The following IL34 variants were observed in gnomAD, a reference collection of about 807,000 sequenced individuals.
The protein encoded by IL34 is interleukin 34.
A neutral mutation model predicts 25.3 loss-of-function variants in IL34; 17 were observed. The observed-to-expected ratio is 0.67, with a 90% CI of 0.46 to 1.01. The LOEUF (loss-of-function observed/expected upper bound fraction) is 1.01. Ranked by LOEUF, IL34 falls within the 50% of genes least tolerant of loss-of-function variation. IL34 has a pLI of 0.00. For missense variants in IL34, 368 were observed against 312.9 expected, an observed-to-expected ratio of 1.18 and a Z score of -1.33; for synonymous variants, 174 against 140.9, an observed-to-expected ratio of 1.23 and a Z score of -1.66.
At chr16:70,583,378 A>G (rs900990308) in intron 1 of IL34, among the ~76,000 whole-genome samples, 1 of 151,860 alleles carries the variant, frequency 6.6e-6, no homozygotes, top group African/African-American at 2.4e-5. Flanking sequence ...CTGGGATTAC[A>G]GGCATGAGCC....
intron 1 of IL34, among the ~76,000 whole-genome samples, chr16:70,622,087 G>A (rs1190718741): frequency 6.6e-6 from 1 of 151,990 alleles, no homozygotes; most frequent in African/African-American, 2.4e-5. Flanking sequence ...CTAAGAGCCT[G>A]AAAAACTGCT....
intron 1 of IL34, among the ~76,000 whole-genome samples, chr16:70,610,892 AT>A (rs2051080117): frequency 6.6e-6 from 1 of 152,134 alleles, no homozygotes; most frequent in Non-Finnish European, 1.5e-5. Context: ...AGATTCCAAG[AT>A]TCTTCTGGAA....
At chr16:70,580,179 G>A (rs990008796) in intron 1 of IL34, 4 of 152,276 alleles carry the variant, frequency 2.6e-5, no homozygotes, top group African/African-American at 9.6e-5. Context: ...ACTTGACAAA[G>A]ACAGTCCCAG....
At chr16:70,607,551 ACATCACTGTCT>A (rs2051026431) in intron 1 of IL34, among the ~76,000 whole-genome samples, 1 of 152,212 alleles carries the variant, frequency 6.6e-6, no homozygotes, top group Admixed American at 6.5e-5. Flanking sequence ...ATTAGAGTGG[ACATCACTGTCT>A]TGTCTTGATC....
upstream of IL34, among the ~76,000 whole-genome samples, chr16:70,641,711 T>G (rs1282030381): frequency 6.6e-6 from 1 of 151,766 alleles, no homozygotes; most frequent in Non-Finnish European, 1.5e-5. Context: ...GGAGTACAGG[T>G]GCATGCCTCC....
At chr16:70,599,458 G>T (rs2050882749) in intron 1 of IL34, among the ~76,000 whole-genome samples, 1 of 151,244 alleles carries the variant, frequency 6.6e-6, no homozygotes, top group African/African-American at 2.4e-5. Flanking sequence ...CCGGGTTCAA[G>T]CGATTCTCCT....
chr16:70,654,061 G>A (rs1238543206), intron 1 of IL34: 1 of 153,110 alleles, frequency 6.5e-6, no homozygotes. Flanking sequence ...GATAGAGCAG[G>A]AAGGAAAGTG....
Position 70,656,593 on chromosome 16 carries a change from C to T in IL34, c.163-9C>T. On this transcript the variant is annotated splice_polypyrimidine_tract_variant and intron_variant, in intron 2 of 5. Transcript: ENST00000288098. ...TCTGGCCTCATAGTTTGTTCTTGTGCCTCTCCAGAAACACTACTTCCCCAT... is the reference window on the plus strand; with the variant it reads ...TCTGGCCTCATAGTTTGTTCTTGTGTCTCTCCAGAAACACTACTTCCCCAT... The T allele has an allele frequency of 1.7e-6, 2 of 1,201,812 alleles. No individual in the cohort carries two copies. Among genetic ancestry groups the T allele is most frequent in the African/African-American group, 1.5e-5 (1 of 67,278 alleles). The allele number at this position is 1,201,812 out of a possible 1,614,324, so 74.4% of individuals were successfully genotyped here.
chr16:70,597,492 G>C (rs977760261), intron 1 of IL34, among the ~76,000 whole-genome samples: 1 of 152,064 alleles, frequency 6.6e-6, no homozygotes, highest in Admixed American at 6.6e-5. Context: ...AAGTGCTAGG[G>C]TTAAAAGTGC....
rs1158634237 is a variant in IL34 at position 70,627,350 on chromosome 16, A to G, written c.-400-19198A>G. Among the ~76,000 whole-genome samples, 5 of 152,012 alleles carry G rather than the reference A, an allele frequency of 3.3e-5. 1 individual carries two copies. The South Asian group carries it at 8.3e-4, about 25-fold the overall frequency. The stretch of plus-strand genomic sequence containing the variant: ...ACAAAGTGAACACACCCTTGCAACT[A>G]TTACCAGCGTGTAGAAGCCCCCCAC... On this transcript the variant is annotated intron_variant, in intron 1 of 6. Coordinates refer to the IL34 transcript ENST00000429149.
At chr16:70,642,832 A>G (rs1242025718), upstream of IL34, among the ~76,000 whole-genome samples, 1 of 152,234 alleles carries the variant, frequency 6.6e-6, no homozygotes. Context: ...CCCGTATTGC[A>G]TAATCAATCC....
At chr16:70,643,774 C>T (rs1047168604), upstream of IL34, among the ~76,000 whole-genome samples, 9 of 151,974 alleles carry the variant, frequency 5.9e-5, no homozygotes, top group Non-Finnish European at 1.2e-4. Flanking sequence ...TAAAAAATAA[C>T]CAGGGAAAAT....
intron 1 of IL34, among the ~76,000 whole-genome samples, chr16:70,629,569 C>G (rs2051471337): frequency 1.3e-5 from 2 of 152,066 alleles, no homozygotes; most frequent in South Asian, 4.1e-4. Context: ...CTCTAAATTA[C>G]TTATAATAAC....
Position 70,646,950 on chromosome 16 carries a change from GC to G in IL34, c.7del (p.Arg3GlyfsTer27). The G allele has an allele frequency of 1.4e-6, 2 of 1,469,742 alleles. No individual in the cohort carries two copies. Among genetic ancestry groups the G allele is most frequent in the Admixed American group, 3.1e-5 (1 of 32,432 alleles). The allele number at this position is 1,469,742 out of a possible 1,614,324, so 91.0% of individuals were successfully genotyped here. A position where few individuals can be genotyped will look rare whatever the true frequency, so the allele number is the denominator to read the frequency against. The stretch of plus-strand genomic sequence containing the variant: ...TCAGGGGGACGAGGAACACCACCAT[GC>G]CCCGGGGCTTCACCTGGCTGCGCTG... M[P>X]RGFTWLRYLG... On this transcript the variant is annotated frameshift_variant, in exon 1 of 6. Coordinates refer to ENST00000288098, the MANE Select transcript of IL34 (RefSeq NM_001393494.1). LOFTEE classifies it high-confidence loss of function.
rs547458474 is a variant in IL34 at position 70,618,830 on chromosome 16, G to C, written c.-400-27718G>C. Reference sequence around the variant, plus strand: ...TTGATTGAAGTAATGGGGGCTGTCTGTGAAGCTTTGCAGCAGTACAGCCTA... The same window carrying C: ...TTGATTGAAGTAATGGGGGCTGTCTCTGAAGCTTTGCAGCAGTACAGCCTA... On this transcript the variant is annotated intron_variant, in intron 1 of 6. Transcript: ENST00000429149. Among the ~76,000 whole-genome samples the C allele has an allele frequency of 8.7e-3, 1,316 of 151,648 alleles. 10 individuals are homozygous for C. Among genetic ancestry groups the C allele is most frequent in the Non-Finnish European group, 0.012 (816 of 68,008 alleles).
At chr16:70,617,858 G>C (rs2051198099) in intron 1 of IL34, among the ~76,000 whole-genome samples, 1 of 151,986 alleles carries the variant, frequency 6.6e-6, no homozygotes, top group Non-Finnish European at 1.5e-5. Flanking sequence ...AATTATGTCT[G>C]ACAGAAGGGA....
intron 1 of IL34, among the ~76,000 whole-genome samples, chr16:70,589,998 C>A (rs1032477234): frequency 6.6e-6 from 1 of 152,206 alleles, no homozygotes; most frequent in African/African-American, 2.4e-5. Context: ...TGAGGCAACG[C>A]ATGTGAACTG....
chr16:70,609,524 T>C (rs1170649637), intron 1 of IL34, among the ~76,000 whole-genome samples: 2 of 152,002 alleles, frequency 1.3e-5, no homozygotes, highest in African/African-American at 2.4e-5. Flanking sequence ...GATAAATTAA[T>C]GTCACTGTGC....
intron 1 of IL34, among the ~76,000 whole-genome samples, chr16:70,641,509 C>A (rs1461147432): frequency 8.0e-6 from 1 of 125,210 alleles, no homozygotes; most frequent in Non-Finnish European, 1.5e-5. Flanking sequence ...CCCTCCCTCT[C>A]TCCCTCCCTC....
Sources: gnomAD v4.1 joint callset for allele counts (sites outside exome capture counted in the v4.1 genomes callset) on GRCh38, gnomAD v4.1.1 for gene constraint, MANE v1.5 for transcripts, NCBI Gene and HGNC (gene_info 2026-07-23, HGNC 2026-07-21) for gene names.